LRP1B: variants seen among roughly 807,000 people sequenced by gnomAD.
The protein encoded by LRP1B is LDL receptor related protein 1B.
Under a neutral mutation model 556.6 loss-of-function variants are expected in LRP1B, and 217 were observed. The ratio of observed to expected loss-of-function variants is 0.39; its 90% CI spans 0.35 to 0.44. The LOEUF is 0.44. Ranked by LOEUF, LRP1B falls within the 20% of genes least tolerant of loss-of-function variation. The pLI is 1.00. For missense variants in LRP1B, 5,053 were observed against 5,620.8 expected (o/e 0.90, Z 3.23); for synonymous variants, 2,047 against 1,865.8 (o/e 1.10, Z -2.50).
intron 1 of LRP1B, among the ~76,000 whole-genome samples, chr2:142,075,662 T>C (rs1352635356): frequency 3.3e-5 from 5 of 152,112 alleles, no homozygotes; most frequent in Non-Finnish European, 7.4e-5. Context: ...ACTTTCTTTT[T>C]GGGAATTCAG....
chr2:142,130,869 T>C lies in LRP1B; in HGVS notation c.-140A>G, dbSNP rs1707827463. ...CAAATGTCACTGGAAATTCTTCAGC[T>C]CAATGAGTCCAGCCAGTCAGCCTTC... On this transcript the variant is annotated 5_prime_UTR_variant, in exon 1 of 91. Transcript: ENST00000389484. 3 of 725,062 alleles carry C rather than the reference T, an allele frequency of 4.1e-6. No homozygotes were observed. Among genetic ancestry groups the C allele is most frequent in the Middle Eastern group, 2.7e-4 (1 of 3,720 alleles). 44.9% of individuals were successfully genotyped at this position (725,062 alleles called of 1,614,324 possible).
chr2:140,325,599 G>A (rs1207190185), intron 80 of LRP1B, among the ~76,000 whole-genome samples, 163 bp downstream of exon 80: 1 of 152,058 alleles, frequency 6.6e-6, no homozygotes, highest in Admixed American at 6.6e-5. Flanking sequence ...TTTTTTTCCA[G>A]TAGGAATGAA....
At chr2:142,111,324 A>G (rs1706982082) in intron 1 of LRP1B, among the ~76,000 whole-genome samples, 1 of 152,044 alleles carries the variant, frequency 6.6e-6, no homozygotes, top group South Asian at 2.1e-4. Flanking sequence ...AACAAGTGAT[A>G]AAGCCTGCAT....
Position 140,850,180 on chromosome 2 carries a change from A to G in LRP1B, c.4861T>C (p.Tyr1621His). Reference sequence around the variant, plus strand: ...GTTTGTGTTTTAATATCTGTCCAGTATAAACGTTCCTCAGATGCATCGAAG... The same window carrying G: ...GTTTGTGTTTTAATATCTGTCCAGTGTAAACGTTCCTCAGATGCATCGAAG... Reference protein sequence around the residue: ...IDFDASEERLYWTDIKTQTIK... With the variant: ...IDFDASEERLHWTDIKTQTIK... Residue 1621 changes from tyrosine (Y) to histidine (H), a missense_variant, in exon 29 of 91, where the codon TAC becomes CAC. By Grantham distance (83) the Tyr-to-His change is moderately conservative. Transcript: ENST00000389484. 1 of 1,613,856 alleles carries G rather than the reference A, an allele frequency of 6.2e-7. No homozygotes were observed. The highest frequency in any genetic ancestry group is 8.5e-7 in the Non-Finnish European group (1 of 1,179,816).
chr2:141,134,258 A>C (rs1701436153), intron 7 of LRP1B, among the ~76,000 whole-genome samples: 1 of 151,714 alleles, frequency 6.6e-6, no homozygotes, highest in Non-Finnish European at 1.5e-5. Context: ...TCCCTCCTTC[A>C]GGCCTTTGCT....
Position 141,774,526 on chromosome 2 carries a change from C to T in LRP1B, c.205+35753G>A, listed in dbSNP as rs539395274. On this transcript the variant is annotated intron_variant, in intron 2 of 90. Transcript: ENST00000389484. Reference sequence around the variant, plus strand: ...CATCACCTCCTACCATACTCCACCTCCAACACTGGGAATTACATTACAACA... The same window carrying T: ...CATCACCTCCTACCATACTCCACCTTCAACACTGGGAATTACATTACAACA... Among the ~76,000 whole-genome samples the T allele has an allele frequency of 3.9e-5, 6 of 152,196 alleles. No homozygotes were observed. The East Asian group carries it at 7.7e-4, about 20-fold the overall frequency.
chr2:140,393,309 C>T (rs1399944641), intron 66 of LRP1B, among the ~76,000 whole-genome samples: 2 of 151,746 alleles, frequency 1.3e-5, no homozygotes, highest in Non-Finnish European at 2.9e-5. Context: ...CAGTAGCTAC[C>T]TAAACAAATT....
chr2:140,315,258 CAG>C (rs1341633188), intron 82 of LRP1B, among the ~76,000 whole-genome samples, 159 bp from the exon 83 acceptor site: 27 of 151,960 alleles, frequency 1.8e-4, no homozygotes, highest in Non-Finnish European at 1.5e-4. Flanking sequence ...TATCTGAAAA[CAG>C]ATAGATTCTG....
chr2:141,252,344 A>G (rs1684295201), intron 4 of LRP1B, among the ~76,000 whole-genome samples: 1 of 152,170 alleles, frequency 6.6e-6, no homozygotes, highest in South Asian at 2.1e-4. Flanking sequence ...GAAAGCAAAA[A>G]TATTGCTGAG....
intron 79 of LRP1B, among the ~76,000 whole-genome samples, chr2:140,330,981 T>A (rs989817907): frequency 6.6e-6 from 1 of 152,076 alleles, no homozygotes; most frequent in African/African-American, 2.4e-5. Context: ...CATCACTGAT[T>A]ATTAGAGAAA....
At chr2:141,156,607 G>A (rs1249452) in intron 7 of LRP1B, among the ~76,000 whole-genome samples, 2,179 of 149,212 alleles carry the variant, frequency 0.015, 29 homozygotes, top group Middle Eastern at 0.028. Flanking sequence ...CATCCCGGGC[G>A]ACAGGGCTAT....
intron 43 of LRP1B, among the ~76,000 whole-genome samples, chr2:140,559,209 T>A (rs1033188441): frequency 6.6e-6 from 1 of 152,112 alleles, no homozygotes; most frequent in Non-Finnish European, 1.5e-5. Context: ...ATTAACTGTT[T>A]TTTTTTAACA....
intron 3 of LRP1B, among the ~76,000 whole-genome samples, chr2:141,417,999 A>G (rs1679980207): frequency 6.6e-6 from 1 of 152,176 alleles, no homozygotes; most frequent in South Asian, 2.1e-4. Flanking sequence ...ACATCTTTTC[A>G]TAACTCTATT....
At chr2:140,368,798 G>A (rs558276393) in intron 71 of LRP1B, among the ~76,000 whole-genome samples, 1 of 151,908 alleles carries the variant, frequency 6.6e-6, no homozygotes, top group South Asian at 2.1e-4. Context: ...GCCTTAAAAT[G>A]CCTTTACCCA....
intron 7 of LRP1B, among the ~76,000 whole-genome samples, chr2:141,152,228 T>C (rs1445411947): frequency 6.6e-6 from 1 of 152,006 alleles, no homozygotes; most frequent in African/African-American, 2.4e-5. Flanking sequence ...TCCTCGTCTT[T>C]AGAGTACAAA....
At chr2:141,983,353 A>G (rs1320567059) in intron 1 of LRP1B, among the ~76,000 whole-genome samples, 2 of 152,298 alleles carry the variant, frequency 1.3e-5, no homozygotes, top group African/African-American at 4.8e-5. Flanking sequence ...TTAATCCCCA[A>G]TACATGATTT....
chr2:140,323,312 G>GGAGACTAACAATAAGTCATATACAATA (rs1680259058), intron 81 of LRP1B, among the ~76,000 whole-genome samples: 1 of 151,706 alleles, frequency 6.6e-6, no homozygotes, highest in Non-Finnish European at 1.5e-5. Flanking sequence ...TTTCTAGGAG[G>GGAGACTAACAATAAGTCATATACAATA]GAGACTAACA....
At chr2:141,541,836 G>A (rs1685272172) in intron 2 of LRP1B, among the ~76,000 whole-genome samples, 1 of 152,128 alleles carries the variant, frequency 6.6e-6, no homozygotes, top group East Asian at 1.9e-4. Flanking sequence ...TTTTTAATGT[G>A]TTTTAAAGCA....
chr2:140,308,001 T>A (rs1684137354), intron 83 of LRP1B, among the ~76,000 whole-genome samples: 2 of 151,984 alleles, frequency 1.3e-5, no homozygotes, highest in Admixed American at 6.6e-5. Context: ...AATAGTATAC[T>A]ATGCTCAATA....
Sources: allele counts gnomAD v4.1 joint callset (sites outside exome capture counted in the v4.1 genomes callset), GRCh38; gene constraint gnomAD v4.1.1; transcripts MANE v1.5; gene names NCBI Gene and HGNC (gene_info 2026-07-23, HGNC 2026-07-21).